Variants in RNF24 observed in about 807,000 individuals in gnomAD.
RNF24 encodes the protein ring finger protein 24.
RNF24 carries 14 observed loss-of-function variants against 20.0 expected under a neutral mutation model. The ratio of observed to expected loss-of-function variants is 0.70; its 90% CI spans 0.46 to 1.10. The LOEUF (loss-of-function observed/expected upper bound fraction) is 1.10. Ranked by LOEUF, RNF24 falls within the 50% of genes least tolerant of loss-of-function variation. The pLI, the probability that RNF24 is intolerant of heterozygous loss-of-function variation, is 0.00. For missense variants in RNF24, 124 were observed against 177.6 expected, an observed-to-expected ratio of 0.70 and a Z score of 1.71; for synonymous variants, 45 against 61.1, an observed-to-expected ratio of 0.74 and a Z score of 1.23.
At chr20:3,997,494 A>G (rs891583699) in intron 1 of RNF24, among the ~76,000 whole-genome samples, 11 of 151,394 alleles carry the variant, frequency 7.3e-5, no homozygotes, top group Non-Finnish European at 1.3e-4. Flanking sequence ...TGGTGTGATC[A>G]TGGCTCACTG....
chr20:3,947,594 G>A (rs1253170474), intron 3 of RNF24, among the ~76,000 whole-genome samples: 1 of 152,126 alleles, frequency 6.6e-6, no homozygotes, highest in African/African-American at 2.4e-5. Context: ...AATAAAGAAG[G>A]AAGGAAAAAT....
At chr20:3,947,865 G>A (rs2091037502) in intron 3 of RNF24, among the ~76,000 whole-genome samples, 1 of 152,072 alleles carries the variant, frequency 6.6e-6, no homozygotes, top group Non-Finnish European at 1.5e-5. Flanking sequence ...TGACCAACAT[G>A]GAGAAACCCC....
intron 1 of RNF24, among the ~76,000 whole-genome samples, chr20:4,007,026 T>C (rs903626566): frequency 2.0e-5 from 3 of 152,178 alleles, no homozygotes; most frequent in African/African-American, 4.8e-5. Context: ...GAGATTTGAA[T>C]TGCTCAGATA....
chr20:3,960,106 G>A (rs1206662675), intron 2 of RNF24, among the ~76,000 whole-genome samples: 1 of 152,060 alleles, frequency 6.6e-6, no homozygotes, highest in East Asian at 1.9e-4. Flanking sequence ...TGACTGTCTT[G>A]TTTAGACCTA....
At chr20:3,949,222 A>T (rs2146963832) in intron 2 of RNF24, among the ~76,000 whole-genome samples, 1 of 152,326 alleles carries the variant, frequency 6.6e-6, no homozygotes, top group South Asian at 2.1e-4. Context: ...TCTACTAAAA[A>T]TACAAAAATT....
intron 1 of RNF24, among the ~76,000 whole-genome samples, chr20:3,970,982 C>T (rs1354266364): frequency 1.3e-5 from 2 of 152,148 alleles, no homozygotes. Flanking sequence ...ATTTAAGAAG[C>T]TGAACAAACT....
At chr20:4,006,951 T>C (rs1981921913) in intron 1 of RNF24, among the ~76,000 whole-genome samples, 1 of 152,262 alleles carries the variant, frequency 6.6e-6, no homozygotes, top group Admixed American at 6.5e-5. Flanking sequence ...GTTGGAATGC[T>C]CACAGTTCCT....
intron 1 of RNF24, among the ~76,000 whole-genome samples, chr20:3,985,369 G>T (rs1245261043): frequency 6.6e-6 from 1 of 152,122 alleles, no homozygotes; most frequent in Non-Finnish European, 1.5e-5. Flanking sequence ...GCTTATAGAT[G>T]TGTGGCACCA....
At chr20:3,960,932 T>G (rs2091195054) in intron 2 of RNF24, among the ~76,000 whole-genome samples, 1 of 152,056 alleles carries the variant, frequency 6.6e-6, no homozygotes, top group South Asian at 2.1e-4. Flanking sequence ...TAGCTGGGAC[T>G]ACAGGCGTGT....
Position 4,012,583 on chromosome 20 carries a change from T to C in RNF24, c.-8+2854A>G, listed in dbSNP as rs190958285. 1.6e-3 allele frequency among the ~76,000 whole-genome samples: 239 copies of C among 152,332 alleles called. 1 individual carries two copies. Among genetic ancestry groups the C allele is most frequent in the African/African-American group, 5.5e-3 (229 of 41,582 alleles). Reference sequence around the variant, plus strand: ...TGCTCTTACCATCACTAACATAATATTACTATTCTAATGAATAAATATTTA... The same window carrying C: ...TGCTCTTACCATCACTAACATAATACTACTATTCTAATGAATAAATATTTA... On this transcript the variant is annotated intron_variant, in intron 1 of 5. Coordinates refer to ENST00000358395, the MANE Select transcript of RNF24 (RefSeq NM_001134337.3).
At position 3,934,082 on chromosome 20, in the gene RNF24, C is replaced by A; in HGVS notation, c.428G>T (p.Gly143Val). The A allele has an allele frequency of 5.3e-6, 8 of 1,508,400 alleles. No individual in the cohort carries two copies. Among genetic ancestry groups the A allele is most frequent in the Non-Finnish European group, 7.1e-6 (8 of 1,130,988 alleles). The allele number at this position is 1,508,400 out of a possible 1,614,324, so 93.4% of individuals were successfully genotyped here. ...GGTAAGCTATACAATGTTCTCTGCCCCAGGAAGGGGCCCCTGAGGGGGTCC... is the reference window on the plus strand; with the variant it reads ...GGTAAGCTATACAATGTTCTCTGCCACAGGAAGGGGCCCCTGAGGGGGTCC... ...DRGPPQGPLPGAENIV is the reference protein window; with the variant it reads ...DRGPPQGPLPVAENIV The change falls in exon 6 of 6, where the codon GGG (glycine) becomes GTG (valine). Residue 143 changes from glycine (G) to valine (V), a missense_variant. Gly to Val is a moderately radical substitution (Grantham distance 109, BLOSUM62 -3). Coordinates refer to ENST00000358395, the MANE Select transcript of RNF24 (RefSeq NM_001134337.3). The surrounding 1 kb of genome is among the most constrained non-coding windows in gnomAD (Gnocchi z 4.0).
chr20:3,964,469 T>C (rs186076054), intron 1 of RNF24, among the ~76,000 whole-genome samples: 1 of 152,174 alleles, frequency 6.6e-6, no homozygotes, highest in Non-Finnish European at 1.5e-5. Flanking sequence ...GAAATATGAT[T>C]AATTATATAG....
chr20:3,974,594 T>C (rs1239140620), intron 1 of RNF24, among the ~76,000 whole-genome samples: 1 of 152,168 alleles, frequency 6.6e-6, no homozygotes, highest in Non-Finnish European at 1.5e-5. Context: ...AAATCAACTG[T>C]GTTTTTATAA....
At chr20:4,012,314 A>C (rs908015601) in intron 1 of RNF24, among the ~76,000 whole-genome samples, 1 of 151,884 alleles carries the variant, frequency 6.6e-6, no homozygotes, top group Non-Finnish European at 1.5e-5. Flanking sequence ...CTATTCGGGA[A>C]GCTGAGGCAT....
chr20:3,960,361 T>C (rs1162019843), intron 2 of RNF24, among the ~76,000 whole-genome samples: 1 of 152,200 alleles, frequency 6.6e-6, no homozygotes, highest in Non-Finnish European at 1.5e-5. Context: ...GGAAAGCTCC[T>C]TACCTCATGA....
rs376386739 is a variant in RNF24 at position 3,932,987 on chromosome 20, A to G, written c.*1076T>C. On this transcript the variant is annotated 3_prime_UTR_variant, in exon 6 of 6. Transcript: ENST00000358395. ...CAGGAGCTTCCTGAAACTATCTACA[A>G]TTCCAAGTGGATCACCAGCTTCAGA... 1.8e-5 allele frequency: 7 copies of G among 398,108 alleles called. No individual in the cohort carries two copies. Among genetic ancestry groups the G allele is most frequent in the Middle Eastern group, 6.2e-4 (1 of 1,610 alleles). The allele number at this position is 398,108 out of a possible 1,614,324, so 24.7% of individuals were successfully genotyped here.
chr20:3,998,699 T>C (rs967008160), intron 1 of RNF24, among the ~76,000 whole-genome samples: 20 of 148,420 alleles, frequency 1.3e-4, no homozygotes, highest in African/African-American at 5.0e-4. Flanking sequence ...GTGGTTGCAG[T>C]GAGCCAAGAT....
At chr20:3,998,263 A>G (rs187388853) in intron 1 of RNF24, among the ~76,000 whole-genome samples, 1 of 151,730 alleles carries the variant, frequency 6.6e-6, no homozygotes, top group African/African-American at 2.4e-5. Flanking sequence ...ACAAGGTGAA[A>G]CCCCGTCTCT....
In RNF24 at chr20:3,966,217, G is replaced by A. The variant is rs537155561; in HGVS notation, c.-7-2193C>T. ...GCAAGCTAAGAGGAAATAGGCAAGT[G>A]ACAGAAAGTGGTATGGTAGAAAGAC... On this transcript the variant is annotated intron_variant, in intron 1 of 5. Transcript: ENST00000358395. Among the ~76,000 whole-genome samples the A allele has an allele frequency of 2.0e-5, 3 of 151,432 alleles. No individual in the cohort carries two copies. The South Asian group carries it at 6.3e-4, about 32-fold the overall frequency.
Sources: gnomAD v4.1 joint callset for allele counts (sites outside exome capture counted in the v4.1 genomes callset) on GRCh38, gnomAD v4.1.1 for gene constraint, Gnocchi (gnomAD v3.1) non-coding constraint, MANE v1.5 for transcripts, NCBI Gene and HGNC (gene_info 2026-07-23, HGNC 2026-07-21) for gene names.